Variants in CLASP2 observed in about 807,000 individuals in gnomAD.
CLASP2 encodes cytoplasmic linker associated protein 2.
A neutral mutation model predicts 194.4 loss-of-function variants in CLASP2; 47 were observed. That is an observed-to-expected ratio of 0.24 (90% CI 0.19 to 0.31). The LOEUF (loss-of-function observed/expected upper bound fraction) is 0.31. CLASP2 is among the 10% of genes least tolerant of loss of function. The pLI is 1.00. For missense variants in CLASP2, 1,445 were observed against 1,823.6 expected (o/e 0.79, Z 3.78); for synonymous variants, 619 against 633.5 (o/e 0.98, Z 0.34).
At chr3:33,672,644 G>A (rs556795388) in intron 6 of CLASP2, among the ~76,000 whole-genome samples, 9 of 151,588 alleles carry the variant, frequency 5.9e-5, no homozygotes, top group Non-Finnish European at 1.3e-4. Context: ...ATCAAATTAT[G>A]AGCTACAGGA....
intron 31 of CLASP2, 29 bp from the exon 32 acceptor site, chr3:33,543,568 C>G: frequency 6.6e-6 from 9 of 1,358,110 alleles, no homozygotes; most frequent in Non-Finnish European, 9.5e-6. Flanking sequence ...GAAATATTAA[C>G]ATATTACAGG....
At chr3:33,541,303 C>A (rs148648261) in intron 32 of CLASP2, among the ~76,000 whole-genome samples, 2 of 151,914 alleles carry the variant, frequency 1.3e-5, no homozygotes, top group Non-Finnish European at 2.9e-5. Context: ...ACGGAATACA[C>A]CACAGCCAGC....
Position 33,606,768 on chromosome 3 carries a change from AAAAAG to A in CLASP2, c.1527-15_1527-11del. ...AAGACCCATGTATGTCCTGTTAAAA[AAAAAG>A]AAAAGCAGATGAAGTAATAGCTTTA... On this transcript the variant is annotated splice_polypyrimidine_tract_variant and intron_variant, in intron 15 of 38. Transcript: ENST00000682230. The A allele has an allele frequency of 6.3e-7, 1 of 1,584,078 alleles. No homozygotes were observed.
intron 22 of CLASP2, 24 bp downstream of exon 22, chr3:33,584,726 A>AT (rs768502843): frequency 5.4e-5 from 83 of 1,523,656 alleles, no homozygotes; most frequent in South Asian, 1.2e-4. Flanking sequence ...CATGTCTCAC[A>AT]TAAAAAAAAA....
At chr3:33,683,273 A>G (rs527601253) in intron 6 of CLASP2, 2 of 152,324 alleles carry the variant, frequency 1.3e-5, no homozygotes, top group South Asian at 2.1e-4. Context: ...GACCTTAAGA[A>G]CTTTTTAAAT....
intron 18 of CLASP2, among the ~76,000 whole-genome samples, chr3:33,598,788 C>T (rs948358531): frequency 6.6e-6 from 1 of 152,176 alleles, no homozygotes; most frequent in East Asian, 1.9e-4. Flanking sequence ...TTCTTTTCCA[C>T]TCAAGCAATT....
At chr3:33,685,758 T>C (rs1326569632) in intron 5 of CLASP2, among the ~76,000 whole-genome samples, 3 of 124,108 alleles carry the variant, frequency 2.4e-5, no homozygotes, top group Admixed American at 2.1e-4. Flanking sequence ...CACAGAACAG[T>C]CAAATTCACA....
chr3:33,702,132 C>T (rs1334787138), intron 1 of CLASP2, among the ~76,000 whole-genome samples: 1 of 152,066 alleles, frequency 6.6e-6, no homozygotes, highest in Admixed American at 6.6e-5. Context: ...GTTTAAGAAG[C>T]CTATTCTAAA....
intron 2 of CLASP2, among the ~76,000 whole-genome samples, chr3:33,695,017 A>G (rs1289821727): frequency 6.6e-6 from 1 of 151,898 alleles, no homozygotes; most frequent in Non-Finnish European, 1.5e-5. Context: ...GAAACAAAAC[A>G]TAAACAAGTA....
At chr3:33,604,837 C>T (rs1421408342) in intron 16 of CLASP2, among the ~76,000 whole-genome samples, 1 of 152,116 alleles carries the variant, frequency 6.6e-6, no homozygotes, top group Non-Finnish European at 1.5e-5. Context: ...GATAACAGTA[C>T]TATTATTTTT....
chr3:33,601,256 G>A (rs1419027380), intron 18 of CLASP2, among the ~76,000 whole-genome samples: 4 of 152,090 alleles, frequency 2.6e-5, no homozygotes, highest in Admixed American at 6.5e-5. Context: ...CACCGTGCCC[G>A]GCGATAAGGC....
At chr3:33,674,793 A>G (rs36174387) in intron 6 of CLASP2, among the ~76,000 whole-genome samples, 28,822 of 152,098 alleles carry the variant, frequency 0.19, 3,072 homozygotes, top group Admixed American at 0.32. Context: ...CTACCATCAG[A>G]GCATACTACA....
intron 31 of CLASP2, among the ~76,000 whole-genome samples, chr3:33,544,304 C>A (rs758108419): frequency 9.2e-5 from 14 of 152,176 alleles, no homozygotes; most frequent in South Asian, 4.2e-4. Flanking sequence ...TCTTAAAGCA[C>A]TACCTCCTTT....
Position 33,510,727 on chromosome 3 carries a change from G to A in CLASP2, c.4148C>T (p.Ala1383Val), listed in dbSNP as rs1313819585. 7 of 1,612,698 alleles carry A rather than the reference G, an allele frequency of 4.3e-6. No homozygotes were observed. Among genetic ancestry groups the A allele is most frequent in the Non-Finnish European group, 5.9e-6 (7 of 1,179,388 alleles). ...GCACTGCTCTGGACTAATTGAAGTG[G>A]CCAACACTGATGCCGCTTCCTCAGC... ...RSAEEAASVL[A>V]TSISPEQCIK... Residue 1383 changes from alanine (A) to valine (V), a missense_variant, in exon 37 of 39, where the codon GCC becomes GTC. By Grantham distance (64) the Ala-to-Val change is moderately conservative (BLOSUM62 0). Around this residue, in one of 4 missense-constraint regions of CLASP2, gnomAD observed 732 missense variants for 987.9 expected, o/e 0.74. Transcript: ENST00000682230.
In CLASP2 at chr3:33,510,568, C is replaced by T. The variant is rs1413421350; in HGVS notation, c.4307G>A (p.Gly1436Asp). The change falls in exon 37 of 39, where the codon GGT (glycine) becomes GAT (aspartate). Residue 1436 changes from glycine to aspartate, a missense_variant. Around this residue, in one of 4 missense-constraint regions of CLASP2, gnomAD observed 732 missense variants for 987.9 expected, o/e 0.74. Transcript: ENST00000682230. ...LNLLLPEIMPGLIQGYDNSES... is the reference protein window; with the variant it reads ...LNLLLPEIMPDLIQGYDNSES... ...AGCTTTGTTGCTTACCTGTATTAGA[C>T]CTGGCATAATCTCTGGCAAAAGCAG... 6.2e-7 allele frequency: 1 copy of T among 1,613,750 alleles called. No individual in the cohort carries two copies. The highest frequency in any genetic ancestry group is 1.7e-5 in the Admixed American group (1 of 59,982).
chr3:33,595,129 G>C (rs1576942298), intron 19 of CLASP2, among the ~76,000 whole-genome samples, 161 bp from the exon 20 acceptor site: 1 of 152,092 alleles, frequency 6.6e-6, no homozygotes, highest in African/African-American at 2.4e-5. Context: ...TTCATTTTGA[G>C]AAAAACAAAA....
chr3:33,674,028 G>C (rs1261059405), intron 6 of CLASP2, among the ~76,000 whole-genome samples: 2 of 152,136 alleles, frequency 1.3e-5, no homozygotes, highest in African/African-American at 2.4e-5. Context: ...ACATTAGACA[G>C]ATCAACGAGA....
intron 18 of CLASP2, among the ~76,000 whole-genome samples, chr3:33,601,433 T>C (rs1305658465): frequency 1.3e-5 from 2 of 152,232 alleles, no homozygotes; most frequent in Non-Finnish European, 2.9e-5. Flanking sequence ...TAGAATTTTT[T>C]CTATAAAAAT....
intron 22 of CLASP2, among the ~76,000 whole-genome samples, chr3:33,583,639 AAG>A (rs1560151308): frequency 6.6e-6 from 1 of 152,218 alleles, no homozygotes; most frequent in Non-Finnish European, 1.5e-5. Context: ...TGATAACTCT[AAG>A]AGTGGAAGGT....
Sources: gnomAD v4.1 joint callset for allele counts (sites outside exome capture counted in the v4.1 genomes callset) on GRCh38, gnomAD v4.1.1 for gene constraint, gnomAD v4.1.1 regional missense constraint, MANE v1.5 for transcripts, NCBI Gene and HGNC (gene_info 2026-07-23, HGNC 2026-07-21) for gene names.